Variants in CNTLN observed in about 807,000 individuals in gnomAD.
The protein encoded by CNTLN is centlein, also known as centlein, centrosomal protein.
CNTLN carries 212 observed loss-of-function variants against 180.0 expected under a neutral mutation model. The ratio of observed to expected loss-of-function variants is 1.18; its 90% CI spans 1.05 to 1.32. The LOEUF (loss-of-function observed/expected upper bound fraction) is 1.32. CNTLN is among the 40% of genes most tolerant of loss of function. The pLI, the probability that CNTLN is intolerant of heterozygous loss-of-function variation, is 0.00. For missense variants in CNTLN, 2,095 were observed against 1,610.9 expected (o/e 1.30, Z -5.14); for synonymous variants, 722 against 563.1 (o/e 1.28, Z -3.99).
intron 7 of CNTLN, chr9:17,300,669 C>T (rs2132820244): frequency 6.6e-6 from 1 of 152,342 alleles, no homozygotes. Flanking sequence ...TCACTGCTCT[C>T]TTCAAGTCCC....
chr9:17,290,029 C>T (rs181072980), intron 6 of CNTLN, among the ~76,000 whole-genome samples: 67 of 152,316 alleles, frequency 4.4e-4, no homozygotes, highest in African/African-American at 1.2e-3. Context: ...ATTCTCCATC[C>T]AGCTTTTTTC....
rs562852847 is a variant in CNTLN at position 17,438,892 on chromosome 9, G to T, written c.3115-18632G>T. Among the ~76,000 whole-genome samples the T allele has an allele frequency of 4.2e-4, 64 of 152,194 alleles. 1 individual carries two copies. The South Asian group carries it at 0.012, about 29-fold the overall frequency. On this transcript the variant is annotated intron_variant, in intron 18 of 25. Transcript: ENST00000380647. Reference sequence around the variant, plus strand: ...TTCAGAAGTTGGACAGATGAGAAAGGACCAGAAAGGAGAGCCAGTGAAAGG... The same window carrying T: ...TTCAGAAGTTGGACAGATGAGAAAGTACCAGAAAGGAGAGCCAGTGAAAGG...
chr9:17,514,599 G>A, the CNTLN span, among the ~76,000 whole-genome samples: 295 of 152,138 alleles, frequency 1.9e-3, 1 homozygote, highest in African/African-American at 6.7e-3. Context: ...AAAAACATAA[G>A]TATTCTAAGT....
chr9:17,394,802 C>T lies in CNTLN; in HGVS notation c.2348C>T (p.Ala783Val). 1 of 1,613,948 alleles carries T rather than the reference C, an allele frequency of 6.2e-7. No homozygotes were observed. The highest frequency in any genetic ancestry group is 8.5e-7 in the Non-Finnish European group (1 of 1,179,976). The change falls in exon 15 of 26, where the codon GCA becomes GTA. Residue 783 changes from alanine (A) to valine (V), a missense_variant. Coordinates refer to ENST00000380647, the MANE Select transcript of CNTLN (RefSeq NM_017738.4). Reference sequence around the variant, plus strand: ...AGGAGACAAGTGGCAGAAGCTAATGCATTGAGAAATGAAAATGAAGAGCTG... The same window carrying T: ...AGGAGACAAGTGGCAGAAGCTAATGTATTGAGAAATGAAAATGAAGAGCTG... ...SLRRQVAEAN[A>V]LRNENEELIN...
In CNTLN at chr9:17,135,374, GC is replaced by G. The variant is rs770440456; in HGVS notation, c.310del (p.Leu104CysfsTer6). The G allele has an allele frequency of 1.3e-6, 2 of 1,599,450 alleles. No individual in the cohort carries two copies. The highest frequency in any genetic ancestry group is 3.5e-5 in the Admixed American group (2 of 57,296). Reference protein sequence around the residue: ...VEEAMVTRTQLLEEELSSLKE... With the variant: ...VEEAMVTRTQXLEEELSSLKE... ...AGGAGGCGATGGTGACCCGGACGCAGCTGCTGGAGGAAGAGCTGAGCAGCCT... is the reference window on the plus strand; with the variant it reads ...AGGAGGCGATGGTGACCCGGACGCAGTGCTGGAGGAAGAGCTGAGCAGCCT... On this transcript the variant is annotated frameshift_variant, in exon 1 of 26. Coordinates refer to ENST00000380647, the MANE Select transcript of CNTLN (RefSeq NM_017738.4). LOFTEE classifies it high-confidence loss of function.
chr9:17,142,956 G>A (rs932432257), intron 1 of CNTLN, among the ~76,000 whole-genome samples: 1 of 152,120 alleles, frequency 6.6e-6, no homozygotes, highest in Non-Finnish European at 1.5e-5. Flanking sequence ...GTAATTACAG[G>A]CAACTCTTTC....
At chr9:17,350,322 CA>C (rs955067323) in intron 12 of CNTLN, among the ~76,000 whole-genome samples, 7 of 152,130 alleles carry the variant, frequency 4.6e-5, no homozygotes, top group African/African-American at 1.7e-4. Flanking sequence ...CAGAAATGTG[CA>C]GTGGTTTAGT....
chr9:17,401,491 G>A (rs568496476), intron 15 of CNTLN, among the ~76,000 whole-genome samples: 1 of 148,278 alleles, frequency 6.7e-6, no homozygotes, highest in South Asian at 2.1e-4. Flanking sequence ...TTCTACCTCA[G>A]TCTCCTTAGG....
At chr9:17,353,890 G>A (rs955392580) in intron 12 of CNTLN, among the ~76,000 whole-genome samples, 1 of 152,200 alleles carries the variant, frequency 6.6e-6, no homozygotes, top group African/African-American at 2.4e-5. Flanking sequence ...TTTCTGGGCT[G>A]GCCAAGGCTG....
intron 23 of CNTLN, 47 bp downstream of exon 23, chr9:17,466,938 A>C (rs369006529): frequency 3.5e-5 from 48 of 1,377,208 alleles, no homozygotes; most frequent in Non-Finnish European, 4.7e-5. Flanking sequence ...CTTTAGGCAG[A>C]TAGGCAGTAG....
intron 4 of CNTLN, 80 bp downstream of exon 4, chr9:17,235,872 A>G (rs1350895053): frequency 6.8e-7 from 1 of 1,461,014 alleles, no homozygotes; most frequent in African/African-American, 1.5e-5. Flanking sequence ...TGTGGCACAG[A>G]AAGTGACAGA....
rs913166978 is a variant in CNTLN at position 17,143,903 on chromosome 9, C to G, written c.449+527C>G. 2.0e-5 allele frequency among the ~76,000 whole-genome samples: 3 copies of G among 152,112 alleles called. No homozygotes were observed. The East Asian group carries it at 5.8e-4, about 29-fold the overall frequency. ...GTCATTTAACTGTAGATTGTTGGGC[C>G]TCTCCTTGGTTATTAGAAACAGTGG... is the stretch of plus-strand genomic sequence containing the variant. On this transcript the variant is annotated intron_variant, in intron 2 of 25. Transcript: ENST00000380647.
At chr9:17,336,410 C>G (rs954184931) in intron 10 of CNTLN, among the ~76,000 whole-genome samples, 4 of 152,136 alleles carry the variant, frequency 2.6e-5, no homozygotes, top group African/African-American at 9.7e-5. Flanking sequence ...TTTTATAAAA[C>G]TTTACTCTCT....
intron 23 of CNTLN, among the ~76,000 whole-genome samples, chr9:17,467,700 A>T (rs1363515627): frequency 6.6e-6 from 1 of 151,668 alleles, no homozygotes; most frequent in Non-Finnish European, 1.5e-5. Context: ...CAGATTCAAA[A>T]CACTATTTTT....
At chr9:17,342,708 G>A (rs925306154) in intron 12 of CNTLN, among the ~76,000 whole-genome samples, 4 of 152,270 alleles carry the variant, frequency 2.6e-5, no homozygotes, top group Non-Finnish European at 4.4e-5. Context: ...TGTTGGAGGT[G>A]TCGCTCTTCA....
chr9:17,292,681 T>C (rs1829492926), intron 6 of CNTLN, among the ~76,000 whole-genome samples: 1 of 152,168 alleles, frequency 6.6e-6, no homozygotes, highest in South Asian at 2.1e-4. Flanking sequence ...AAACTAATTA[T>C]TCTGGTTAAC....
At chr9:17,238,783 C>G (rs1399198188) in intron 5 of CNTLN, among the ~76,000 whole-genome samples, 3 of 152,088 alleles carry the variant, frequency 2.0e-5, no homozygotes, top group Non-Finnish European at 4.4e-5. Context: ...AAAGATACTA[C>G]TTTTTATTTC....
rs563711678 is a variant in CNTLN at position 17,363,384 on chromosome 9, CTT to C, written c.1887-3232_1887-3231del. 7.8e-3 allele frequency among the ~76,000 whole-genome samples: 1,184 copies of C among 152,222 alleles called. 12 individuals carry two copies. Among genetic ancestry groups the C allele is most frequent in the Non-Finnish European group, 0.012 (825 of 68,004 alleles). ...TTTCTCCACATCCTCTCCAGCATCT[CTT>C]GTTTCCCGACTTTTTAATGATCACC... On this transcript the variant is annotated intron_variant, in intron 12 of 25. Transcript: ENST00000380647.
chr9:17,481,897 A>G (rs1431863611), intron 23 of CNTLN, among the ~76,000 whole-genome samples: 1 of 152,186 alleles, frequency 6.6e-6, no homozygotes, highest in Non-Finnish European at 1.5e-5. Context: ...CTACCCATGG[A>G]TGTTGTCTGC....
Sources: gnomAD v4.1 joint callset for allele counts (sites outside exome capture counted in the v4.1 genomes callset) on GRCh38, gnomAD v4.1.1 for gene constraint, MANE v1.5 for transcripts, NCBI Gene and HGNC (gene_info 2026-07-23, HGNC 2026-07-21) for gene names.